PACC1: variants seen among roughly 807,000 people sequenced by gnomAD.
PACC1 encodes proton-activated chloride channel.
A neutral mutation model predicts 39.7 loss-of-function variants in PACC1; 34 were observed. The ratio of observed to expected loss-of-function variants is 0.86; its 90% CI spans 0.65 to 1.14. The LOEUF (loss-of-function observed/expected upper bound fraction) is 1.14, where lower values mean the gene tolerates loss of function less well. Ranked by LOEUF, PACC1 falls within the 50% of genes most tolerant of loss-of-function variation. The pLI is 0.00. For missense variants in PACC1, 379 were observed against 436.4 expected (o/e 0.87, Z 1.17); for synonymous variants, 127 against 160.6 (o/e 0.79, Z 1.58).
At chr1:212,370,825 C>T (rs1005839193) in intron 7 of PACC1, among the ~76,000 whole-genome samples, 1 of 152,062 alleles carries the variant, frequency 6.6e-6, no homozygotes, top group African/African-American at 2.4e-5. Flanking sequence ...TAAATGCCTA[C>T]ATCAAAAAAA....
At chr1:212,395,040 C>T (rs1363594190) in intron 2 of PACC1, among the ~76,000 whole-genome samples, 2 of 152,088 alleles carry the variant, frequency 1.3e-5, no homozygotes, top group South Asian at 2.1e-4. Flanking sequence ...CAATGCCATC[C>T]CCATCAAGCT....
chr1:212,394,158 C>T (rs1200255624), intron 2 of PACC1, among the ~76,000 whole-genome samples: 1 of 152,226 alleles, frequency 6.6e-6, no homozygotes, highest in African/African-American at 2.4e-5. Context: ...AGACCAATAT[C>T]CCTGATGAAC....
chr1:212,364,439 C>T lies in PACC1; in HGVS notation c.*776G>A, dbSNP rs149476354. 6 of 152,272 alleles carry T rather than the reference C, an allele frequency of 3.9e-5. No individual in the cohort carries two copies. The highest frequency in any genetic ancestry group is 1.9e-4 in the East Asian group (1 of 5,188). 9.4% of individuals were successfully genotyped at this position (152,272 alleles called of 1,614,324 possible). ...GTCACCAAATGAAAGTAATTGTGCC[C>T]GATGATTGAGCAGATATTCATATTG... On this transcript the variant is annotated 3_prime_UTR_variant, in exon 8 of 8. Coordinates refer to ENST00000261455, the MANE Select transcript of PACC1 (RefSeq NM_018252.3).
chr1:212,385,891 G>C (rs1460986461), intron 3 of PACC1, among the ~76,000 whole-genome samples: 1 of 152,164 alleles, frequency 6.6e-6, no homozygotes, highest in Non-Finnish European at 1.5e-5. Context: ...TCCCAGCCCA[G>C]GCACCTCTAC....
intron 2 of PACC1, among the ~76,000 whole-genome samples, chr1:212,392,898 T>C (rs1661376948): frequency 1.3e-5 from 2 of 151,766 alleles, no homozygotes; most frequent in Non-Finnish European, 2.9e-5. Flanking sequence ...ATCCTAAATA[T>C]ATATGCACCC....
intron 2 of PACC1, among the ~76,000 whole-genome samples, chr1:212,398,229 T>C (rs1661590964): frequency 6.6e-6 from 1 of 152,204 alleles, no homozygotes; most frequent in South Asian, 2.1e-4. Flanking sequence ...TGAAAAGATA[T>C]ACATTGAAAA....
intron 4 of PACC1, among the ~76,000 whole-genome samples, chr1:212,383,760 C>T (rs766976109): frequency 6.6e-6 from 1 of 152,224 alleles, no homozygotes; most frequent in Non-Finnish European, 1.5e-5. Flanking sequence ...TGGAAGCACA[C>T]TGAGTTTTCC....
intron 2 of PACC1, among the ~76,000 whole-genome samples, chr1:212,389,633 A>C (rs6676208): frequency 0.21 from 31,219 of 152,098 alleles, 3,555 homozygotes; most frequent in African/African-American, 0.29. Flanking sequence ...GCAGAGAGAA[A>C]ATTTACAGCA....
intron 7 of PACC1, among the ~76,000 whole-genome samples, chr1:212,373,134 C>T (rs541070937): frequency 5.6e-4 from 85 of 152,264 alleles, no homozygotes; most frequent in African/African-American, 2.0e-3. Flanking sequence ...AACAAAGCAG[C>T]ATGGTATTGG....
intron 2 of PACC1, among the ~76,000 whole-genome samples, chr1:212,397,627 G>T (rs971562218): frequency 1.3e-5 from 2 of 152,160 alleles, no homozygotes; most frequent in African/African-American, 4.8e-5. Context: ...GCTTCAGGGA[G>T]ATATCAAATG....
chr1:212,414,685 G>A (rs1662267175), intron 1 of PACC1, 37 bp downstream of exon 1: 3 of 1,600,396 alleles, frequency 1.9e-6, no homozygotes, highest in Non-Finnish European at 2.6e-6. Context: ...CTGCTCCTCC[G>A]CCTCAAACTT....
chr1:212,388,977 G>A (rs1183505021), intron 2 of PACC1, among the ~76,000 whole-genome samples: 1 of 152,170 alleles, frequency 6.6e-6, no homozygotes, highest in African/African-American at 2.4e-5. Context: ...CAGAGTAGCA[G>A]TGTCACATCA....
At chr1:212,380,962 A>G (rs895010953) in intron 4 of PACC1, among the ~76,000 whole-genome samples, 9 of 152,260 alleles carry the variant, frequency 5.9e-5, no homozygotes, top group African/African-American at 2.2e-4. Flanking sequence ...TGTCTTTTAC[A>G]TCAACTTTTA....
chr1:212,372,295 CAAAAAACAAAAAACAAAA>C (rs1660490567), intron 7 of PACC1, among the ~76,000 whole-genome samples: 3 of 133,920 alleles, frequency 2.2e-5, no homozygotes, highest in Non-Finnish European at 4.9e-5. Flanking sequence ...AAAAAAAAAA[CAAAAAACAAAAAACAAAA>C]AAAAAACAAA....
At chr1:212,410,961 G>A (rs1252623038) in intron 1 of PACC1, among the ~76,000 whole-genome samples, 1 of 152,158 alleles carries the variant, frequency 6.6e-6, no homozygotes, top group East Asian at 1.9e-4. Context: ...ATCTTTACAA[G>A]GTGTGCTCTC....
intron 1 of PACC1, among the ~76,000 whole-genome samples, chr1:212,412,216 T>C (rs1011302129): frequency 6.6e-5 from 10 of 151,300 alleles, no homozygotes; most frequent in African/African-American, 2.2e-4. Flanking sequence ...CCAAGAGATA[T>C]AAGCCACTAG....
chr1:212,365,111 A>G lies in PACC1; in HGVS notation c.*104T>C, dbSNP rs1660182659. 1 of 1,226,794 alleles carries G rather than the reference A, an allele frequency of 8.2e-7. No homozygotes were observed. Among genetic ancestry groups the G allele is most frequent in the Non-Finnish European group, 1.1e-6 (1 of 899,440 alleles). 76.0% of individuals were successfully genotyped at this position (1,226,794 alleles called of 1,614,324 possible). A position where few individuals can be genotyped will look rare whatever the true frequency, so the allele number is the denominator to read the frequency against. On this transcript the variant is annotated 3_prime_UTR_variant, in exon 8 of 8. Transcript: ENST00000261455. ...ATGCTGTTCCTCCCAGCAAGGCCCCATTTCTTCAAGTGAGTACAGGATTGT... is the reference window on the plus strand; with the variant it reads ...ATGCTGTTCCTCCCAGCAAGGCCCCGTTTCTTCAAGTGAGTACAGGATTGT...
At chr1:212,369,782 G>GAA (rs1197824626) in intron 7 of PACC1, among the ~76,000 whole-genome samples, 27 of 73,868 alleles carry the variant, frequency 3.7e-4, no homozygotes, top group Admixed American at 8.4e-4. Flanking sequence ...CTCCATCTCA[G>GAA]AAAAAAAAAA....
In PACC1 at chr1:212,410,470, G is replaced by A; in HGVS notation, c.88C>T (p.Gln30Ter). 1 of 1,614,160 alleles carries A rather than the reference G, an allele frequency of 6.2e-7. No individual in the cohort carries two copies. Among genetic ancestry groups the A allele is most frequent in the Non-Finnish European group, 8.5e-7 (1 of 1,180,020 alleles). The change falls in exon 2 of 8, where the codon CAG becomes TAG. Residue 30 changes from glutamine to a stop codon, truncating the protein, a stop_gained. Transcript: ENST00000261455. LOFTEE classifies it high-confidence loss of function. ...TGGACTCTGACCGTCTCCTTGTCCT[G>A]CTCGTCTGCCAGCTCTGAGTTCTCA... is the stretch of plus-strand genomic sequence containing the variant. ...VVENSELADE[Q>*]DKETVRVQGP...
Sources: allele counts gnomAD v4.1 joint callset (sites outside exome capture counted in the v4.1 genomes callset), GRCh38; gene constraint gnomAD v4.1.1; transcripts MANE v1.5; gene names NCBI Gene and HGNC (gene_info 2026-07-23, HGNC 2026-07-21).